The following LRCH1 variants were observed in gnomAD, a reference collection of about 807,000 sequenced individuals.
LRCH1 encodes the protein leucine-rich repeat and calponin homology domain-containing protein 1.
LRCH1 carries 23 observed loss-of-function variants against 94.9 expected under a neutral mutation model. The ratio of observed to expected loss-of-function variants is 0.24; its 90% CI spans 0.17 to 0.34. LRCH1 has a LOEUF of 0.34. Ranked by LOEUF, LRCH1 falls within the 10% of genes least tolerant of loss-of-function variation. The pLI is 1.00. For synonymous variants in LRCH1, 364 were observed against 354.9 expected, an observed-to-expected ratio of 1.03 and a Z score of -0.29; for missense variants, 790 against 945.9, an observed-to-expected ratio of 0.84 and a Z score of 2.16.
intron 1 of LRCH1, among the ~76,000 whole-genome samples, chr13:46,610,002 A>T (rs971764133): frequency 6.6e-6 from 1 of 152,150 alleles, no homozygotes; most frequent in African/African-American, 2.4e-5. Flanking sequence ...GTGTCCAGGA[A>T]CTAGTTTCTC....
chr13:46,581,201 T>C (rs2137940197), intron 1 of LRCH1, among the ~76,000 whole-genome samples: 1 of 152,318 alleles, frequency 6.6e-6, no homozygotes. Flanking sequence ...ATCTCCTCAT[T>C]TCTTTCATTG....
chr13:46,654,003 A>G (rs1448302182), intron 2 of LRCH1, among the ~76,000 whole-genome samples: 2 of 152,250 alleles, frequency 1.3e-5, no homozygotes, highest in Non-Finnish European at 2.9e-5. Flanking sequence ...GATATTTATC[A>G]GATTTGATGT....
chr13:46,570,219 G>A (rs958164571), intron 1 of LRCH1, among the ~76,000 whole-genome samples: 1 of 152,158 alleles, frequency 6.6e-6, no homozygotes, highest in Non-Finnish European at 1.5e-5. Flanking sequence ...TGGCTACTAA[G>A]TGGCAAGACT....
chr13:46,654,664 CTTAAAA>C (rs1324693978), intron 2 of LRCH1, among the ~76,000 whole-genome samples: 3 of 152,164 alleles, frequency 2.0e-5, no homozygotes, highest in African/African-American at 7.2e-5. Context: ...GTGTGAATTT[CTTAAAA>C]TTAAAGAAAC....
chr13:46,669,596 C>T (rs543506011), intron 3 of LRCH1, among the ~76,000 whole-genome samples: 4 of 152,178 alleles, frequency 2.6e-5, no homozygotes, highest in African/African-American at 9.6e-5. Context: ...AAATCATTGT[C>T]GCAAATCGTT....
chr13:46,673,890 C>T (rs1252397333), intron 3 of LRCH1, among the ~76,000 whole-genome samples: 3 of 152,146 alleles, frequency 2.0e-5, no homozygotes, highest in Non-Finnish European at 4.4e-5. Context: ...AAGCAATTCT[C>T]CTGCCTCAGC....
At chr13:46,632,086 C>T (rs1330904968) in intron 1 of LRCH1, among the ~76,000 whole-genome samples, 3 of 151,958 alleles carry the variant, frequency 2.0e-5, no homozygotes, top group African/African-American at 7.3e-5. Flanking sequence ...GCCTGTAGTC[C>T]CAGCTACTCA....
chr13:46,606,242 G>T (rs1390419336), intron 1 of LRCH1, among the ~76,000 whole-genome samples: 1 of 151,580 alleles, frequency 6.6e-6, no homozygotes, highest in Non-Finnish European at 1.5e-5. Context: ...AACACAGTTC[G>T]ACCTTTTTTC....
intron 1 of LRCH1, among the ~76,000 whole-genome samples, chr13:46,626,531 G>T (rs571702773): frequency 6.6e-6 from 1 of 152,096 alleles, no homozygotes; most frequent in East Asian, 1.9e-4. Context: ...ACTCCTGCCC[G>T]CAAAACATTG....
At chr13:46,625,811 G>A (rs890153623) in intron 1 of LRCH1, among the ~76,000 whole-genome samples, 1 of 151,566 alleles carries the variant, frequency 6.6e-6, no homozygotes, top group African/African-American at 2.4e-5. Flanking sequence ...GTGCCACCAC[G>A]CCCAGCTTAT....
chr13:46,597,814 T>TA (rs370419676), intron 1 of LRCH1, among the ~76,000 whole-genome samples: 15 of 151,290 alleles, frequency 9.9e-5, no homozygotes, highest in African/African-American at 2.9e-4. Context: ...CATTTTTTTT[T>TA]TAAAAAACAG....
At position 46,668,240 on chromosome 13, in the gene LRCH1, A is replaced by G. The variant is rs560312635; in HGVS notation, c.453-790A>G. On this transcript the variant is annotated intron_variant, in intron 2 of 19. Coordinates refer to ENST00000389797, the MANE Select transcript of LRCH1 (RefSeq NM_001164211.2). ...TATTTATCTAGTATTTTCCATCTCC[A>G]TGAAAACTAAGCATTGATGATAGAA... 9.5e-4 allele frequency among the ~76,000 whole-genome samples: 144 copies of G among 152,256 alleles called. 1 individual carries two copies. The highest frequency in any genetic ancestry group is 5.0e-4 in the Non-Finnish European group (34 of 68,026).
intron 14 of LRCH1, 136 bp from the exon 15 acceptor site, chr13:46,712,389 G>A (rs1447495462): frequency 1.5e-6 from 1 of 658,798 alleles, no homozygotes; most frequent in Non-Finnish European, 2.7e-6. Context: ...ATTTTTTTTG[G>A]CCAGGACTTC....
At chr13:46,585,348 C>T (rs565694385) in intron 1 of LRCH1, among the ~76,000 whole-genome samples, 2 of 152,120 alleles carry the variant, frequency 1.3e-5, no homozygotes, top group South Asian at 2.1e-4. Flanking sequence ...GAGGCCGAGG[C>T]AGGCGGATCA....
intron 2 of LRCH1, among the ~76,000 whole-genome samples, chr13:46,662,492 C>T (rs1351086402): frequency 6.6e-6 from 1 of 152,118 alleles, no homozygotes; most frequent in African/African-American, 2.4e-5. Context: ...TTTGAAAGCT[C>T]AATTGATTTT....
At chr13:46,668,724 G>A (rs914877378) in intron 2 of LRCH1, among the ~76,000 whole-genome samples, 1 of 20,114 alleles carries the variant, frequency 5.0e-5, no homozygotes, top group Admixed American at 8.1e-4. Flanking sequence ...CTAAGTGGCG[G>A]TGGCGGGGTG....
intron 3 of LRCH1, among the ~76,000 whole-genome samples, chr13:46,680,463 TGGGCATTAGATCA>T (rs2051736066): frequency 6.6e-6 from 1 of 152,174 alleles, no homozygotes; most frequent in Non-Finnish European, 1.5e-5. Context: ...TCAGTCTCCC[TGGGCATTAGATCA>T]GAGTGGGAGA....
At chr13:46,657,868 C>G (rs1566205018) in intron 2 of LRCH1, among the ~76,000 whole-genome samples, 1 of 151,384 alleles carries the variant, frequency 6.6e-6, no homozygotes, top group Non-Finnish European at 1.5e-5. Context: ...TTAAGATTAA[C>G]CATCACACCA....
At chr13:46,737,874 A>G (rs572942391) in intron 19 of LRCH1, among the ~76,000 whole-genome samples, 1 of 152,172 alleles carries the variant, frequency 6.6e-6, no homozygotes, top group South Asian at 2.1e-4. Context: ...TAGGGCTCTT[A>G]TTAGTATTCT....
Sources: allele counts gnomAD v4.1 joint callset (sites outside exome capture counted in the v4.1 genomes callset), GRCh38; gene constraint gnomAD v4.1.1; transcripts MANE v1.5; gene names NCBI Gene and HGNC (gene_info 2026-07-23, HGNC 2026-07-21).